Variants in BTNL2 observed in about 807,000 individuals in gnomAD.
BTNL2 encodes butyrophilin-like protein 2.
In BTNL2, 46 loss-of-function variants were observed where a neutral mutation model predicts 46.8. The observed-to-expected ratio is 0.98, with a 90% CI of 0.78 to 1.26. The LOEUF is 1.26. Ranked by LOEUF, BTNL2 falls within the 50% of genes most tolerant of loss-of-function variation. The pLI is 0.00. For synonymous variants in BTNL2, 226 were observed against 229.1 expected (o/e 0.99, Z 0.12); for missense variants, 461 against 592.6 (o/e 0.78, Z 2.31).
chr6:32,404,970 A>G lies in BTNL2; in HGVS notation c.396T>C (p.Cys132=), dbSNP rs773317440. Residue 132 remains cysteine (C), a synonymous_variant, in exon 2 of 8, where the codon TGT becomes TGC. Coordinates refer to ENST00000454136, the MANE Select transcript of BTNL2 (RefSeq NM_001304561.2). Reference sequence around the variant, plus strand: ...CTTTGAGCAGCAAGCTTGTTTCTCCACAGTAGTTCCCATCCTGGAAATGGC... The same window carrying G: ...CTTTGAGCAGCAAGCTTGTTTCTCCGCAGTAGTTCCCATCCTGGAAATGGC... ...YWCHFQDGNY[C]GETSLLLKVA... The G allele has an allele frequency of 1.9e-6, 3 of 1,613,046 alleles. No individual in the cohort carries two copies. The highest frequency in any genetic ancestry group is 2.2e-5 in the East Asian group (1 of 44,884).
At position 32,403,064 on chromosome 6, in the gene BTNL2, G is replaced by A. The variant is rs760587044; in HGVS notation, c.580C>T (p.Gln194Ter). 10 of 1,612,772 alleles carry A rather than the reference G, an allele frequency of 6.2e-6. No homozygotes were observed. The East Asian group carries it at 1.8e-4, about 29-fold the overall frequency. The change falls in exon 3 of 8, where the codon CAA becomes TAA. Residue 194 changes from glutamine to a stop codon, truncating the protein, a stop_gained. Coordinates refer to ENST00000454136, the MANE Select transcript of BTNL2 (RefSeq NM_001304561.2). LOFTEE classifies it high-confidence loss of function. ...KLLAVSEHRI[Q>*]DKDGLFYAEA... ...GCATAGAACAGGCCATCTTTATCTT[G>A]GATGCGATGCTCAGACACGGCCAGC... is the stretch of plus-strand genomic sequence containing the variant.
intron 4 of BTNL2, among the ~76,000 whole-genome samples, chr6:32,400,805 C>A: frequency 7.1e-6 from 1 of 141,602 alleles, no homozygotes; most frequent in Non-Finnish European, 1.5e-5. Context: ...CCCAGTTACT[C>A]AGGAGGCTGA....
At chr6:32,401,249 T>C (rs147794811) in intron 4 of BTNL2, among the ~76,000 whole-genome samples, 1,382 of 97,802 alleles carry the variant, frequency 0.014, 45 homozygotes, top group East Asian at 0.11. Context: ...AAAAAATTGC[T>C]ACACTCACAG....
Position 32,404,924 on chromosome 6 carries a change from T to C in BTNL2, c.427+15A>G. 6.2e-7 allele frequency: 1 copy of C among 1,607,878 alleles called. No homozygotes were observed. Among genetic ancestry groups the C allele is most frequent in the Non-Finnish European group, 8.5e-7 (1 of 1,175,402 alleles). On this transcript the variant is annotated intron_variant, in intron 2 of 7. Coordinates refer to ENST00000454136, the MANE Select transcript of BTNL2 (RefSeq NM_001304561.2). ...TCTGCCTCTTGAGACCCTGTGTCTT[T>C]CCCCAGATATTCACCTGCTACTTTG...
At chr6:32,400,048 G>C (rs1776657478) in intron 4 of BTNL2, among the ~76,000 whole-genome samples, 1 of 152,192 alleles carries the variant, frequency 6.6e-6, no homozygotes, top group African/African-American at 2.4e-5. Context: ...GGGTCTCAGA[G>C]AACTCAGAGG....
intron 4 of BTNL2, among the ~76,000 whole-genome samples, chr6:32,398,940 T>G (rs2150313255): frequency 6.6e-6 from 1 of 152,320 alleles, no homozygotes; most frequent in South Asian, 2.1e-4. Context: ...CTTTCAATTT[T>G]AAGTTCCGGG....
At chr6:32,401,207 C>CAAAAAAAAAAAAAAAAAAAAAAAAA (rs9279632) in intron 4 of BTNL2, among the ~76,000 whole-genome samples, 1 of 38,918 alleles carries the variant, frequency 2.6e-5, no homozygotes, top group Non-Finnish European at 3.9e-5. Context: ...GACTCCGTCT[C>CAAAAAAAAAAAAAAAAAAAAAAAAA]AAAAAAAAAA....
Position 32,396,463 on chromosome 6 carries a change from T to C in BTNL2, c.731-77A>G, listed in dbSNP as rs759087824. 1.7e-5 allele frequency: 24 copies of C among 1,392,086 alleles called. No individual in the cohort carries two copies. Among genetic ancestry groups the C allele is most frequent in the Non-Finnish European group, 2.1e-5 (21 of 1,011,510 alleles). 86.2% of individuals were successfully genotyped at this position (1,392,086 alleles called of 1,614,324 possible). ...AATGTCATCTCTAAGAACAGCTCCA[T>C]TGGAGTTTAGAAACCATGAGCATCC... On this transcript the variant is annotated intron_variant, in intron 4 of 7. Transcript: ENST00000454136. This position sits in a 1 kb window ranked among gnomAD's most constrained non-coding sequence, Gnocchi z 4.4.
Position 32,405,161 on chromosome 6 carries a change from C to T in BTNL2, c.205G>A (p.Glu69Lys). The change falls in exon 2 of 8, where the codon GAG becomes AAG. Residue 69 changes from glutamate (E) to lysine (K), a missense_variant. Coordinates refer to ENST00000454136, the MANE Select transcript of BTNL2 (RefSeq NM_001304561.2). ...MHVEVRWYRS[E>K]PSTPVFVHRD... The stretch of plus-strand genomic sequence containing the variant: ...TGCACAAACACAGGTGTGCTGGGCT[C>T]TGAGCGGTACCACCTCACCTCCACG... 1 of 1,613,108 alleles carries T rather than the reference C, an allele frequency of 6.2e-7. No homozygotes were observed.
At chr6:32,397,121 G>A (rs1776499531) in intron 4 of BTNL2, among the ~76,000 whole-genome samples, 1 of 151,852 alleles carries the variant, frequency 6.6e-6, no homozygotes, top group Non-Finnish European at 1.5e-5. Context: ...GTTGCAGTTT[G>A]TTACATAAGC....
chr6:32,393,988 AG>A lies in BTNL2; in HGVS notation c.1429del (p.Leu477CysfsTer?), dbSNP rs1401848489. The A allele has an allele frequency of 1.3e-6, 2 of 1,550,182 alleles. No individual in the cohort carries two copies. The highest frequency in any genetic ancestry group is 1.2e-5 in the South Asian group (1 of 84,044). ...CTCTTTTCAGCTCCTCTTCCTGGGC[AG>A]GCCTACAGCCACAGCAAGAAGCAAT... is the stretch of plus-strand genomic sequence containing the variant. ...WGLLLAVAVG[L>X]PRKRS On this transcript the variant is annotated frameshift_variant, in exon 7 of 8. Transcript: ENST00000454136. LOFTEE classifies it low-confidence loss of function (END_TRUNC). This position sits in a 1 kb window ranked among gnomAD's most constrained non-coding sequence, Gnocchi z 4.8.
intron 1 of BTNL2, 146 bp downstream of exon 1, chr6:32,406,899 G>A: frequency 1.5e-6 from 1 of 671,988 alleles, no homozygotes; most frequent in Non-Finnish European, 2.6e-6. Flanking sequence ...TGGGAGTGGA[G>A]GAGCTCCTCA....
rs898350030 is a variant in BTNL2, at chr6:32,396,112, G to A, written c.1005C>T (p.Asp335=). Residue 335 remains aspartate (D), a synonymous_variant, in exon 5 of 8, where the codon GAC becomes GAT. Coordinates refer to ENST00000454136, the MANE Select transcript of BTNL2 (RefSeq NM_001304561.2). This position sits in a 1 kb window ranked among gnomAD's most constrained non-coding sequence, Gnocchi z 4.4. ...CAAAAAGGCAGCGGTACTGCCCGTC[G>A]TCCGAAGGTCTGGCACTGAGTATCT... ...TLQILSARPS[D]DGQYRCLFEK... The A allele has an allele frequency of 3.1e-6, 5 of 1,612,956 alleles. No individual in the cohort carries two copies. The highest frequency in any genetic ancestry group is 1.6e-4 in the Middle Eastern group (1 of 6,084).
chr6:32,403,342 C>T (rs1776913865), intron 2 of BTNL2, 126 bp from the exon 3 acceptor site: 16 of 986,142 alleles, frequency 1.6e-5, no homozygotes, highest in Admixed American at 5.6e-5. Flanking sequence ...AGCAGAAAGT[C>T]GACCTCAGTC....
intron 2 of BTNL2, 133 bp downstream of exon 2, chr6:32,404,806 C>T (rs979399516): frequency 3.6e-6 from 3 of 835,508 alleles, no homozygotes; most frequent in African/African-American, 3.4e-5. Context: ...ATTTTTAAAT[C>T]AATCAGGGTA....
At position 32,393,892 on chromosome 6, in the gene BTNL2, G is replaced by C; in HGVS notation, c.*6+71C>G. On this transcript the variant is annotated intron_variant, in intron 7 of 7. Coordinates refer to ENST00000454136, the MANE Select transcript of BTNL2 (RefSeq NM_001304561.2). The surrounding 1 kb of genome is among the most constrained non-coding windows in gnomAD (Gnocchi z 4.8). ...CCTCCCATAGGTGACTTGTGAAAAG[G>C]GAGGCTCGGGGAAGTACGCAGTACG... The C allele has an allele frequency of 6.6e-7, 1 of 1,505,242 alleles. No homozygotes were observed. Among genetic ancestry groups the C allele is most frequent in the Non-Finnish European group, 8.9e-7 (1 of 1,125,924 alleles). 93.2% of individuals were successfully genotyped at this position (1,505,242 alleles called of 1,614,324 possible).
chr6:32,395,983 A>T, intron 5 of BTNL2, 56 bp downstream of exon 5: 1 of 1,362,234 alleles, frequency 7.3e-7, no homozygotes, highest in Non-Finnish European at 1.0e-6. Flanking sequence ...AGGAACTAGC[A>T]TATTAAAGTG....
chr6:32,401,878 A>G (rs543456668), intron 3 of BTNL2, 73 bp from the exon 4 acceptor site: 1 of 1,397,384 alleles, frequency 7.2e-7, no homozygotes, highest in South Asian at 1.3e-5. Flanking sequence ...TTTTTAAAAA[A>G]GAAAGCAATT....
chr6:32,393,860 CT>C lies in BTNL2; in HGVS notation c.*6+102del. The C allele has an allele frequency of 7.0e-7, 1 of 1,432,846 alleles. No homozygotes were observed. The highest frequency in any genetic ancestry group is 9.3e-7 in the Non-Finnish European group (1 of 1,080,926). 88.8% of individuals were successfully genotyped at this position (1,432,846 alleles called of 1,614,324 possible). On this transcript the variant is annotated intron_variant, in intron 7 of 7. Transcript: ENST00000454136. This position sits in a 1 kb window ranked among gnomAD's most constrained non-coding sequence, Gnocchi z 4.8. ...TGTTTCCTTAGTTACTGGATATTCA[CT>C]GACTGCCTCCCATAGGTGACTTGTG... is the stretch of plus-strand genomic sequence containing the variant.
Sources: gnomAD v4.1 joint callset for allele counts (sites outside exome capture counted in the v4.1 genomes callset) on GRCh38, gnomAD v4.1.1 for gene constraint, Gnocchi (gnomAD v3.1) non-coding constraint, MANE v1.5 for transcripts, NCBI Gene and HGNC (gene_info 2026-07-23, HGNC 2026-07-21) for gene names.